Variants in CD99 observed in about 807,000 individuals in gnomAD.
CD99 encodes the protein CD99 antigen.
A neutral mutation model predicts 28.4 loss-of-function variants in CD99; 19 were observed. The observed-to-expected ratio is 0.67, with a 90% confidence interval of 0.47 to 0.98. The LOEUF (loss-of-function observed/expected upper bound fraction) is 0.98. Among genes scored for constraint, CD99 ranks in the 50% least tolerant of loss-of-function variants. CD99 has a pLI of 0.00. For synonymous variants in CD99, 103 were observed against 92.1 expected, an observed-to-expected ratio of 1.12 and a Z score of -0.67; for missense variants, 283 against 248.8, an observed-to-expected ratio of 1.14 and a Z score of -0.92.
intron 8 of CD99, chrX:2,727,170 G>A (rs1445873772): frequency 2.4e-5 from 17 of 709,522 alleles, no homozygotes; most frequent in South Asian, 1.8e-4. Flanking sequence ...CAGCACAGCG[G>A]ATTCCCTTTC....
At chrX:2,699,188 T>A (rs746545663) in intron 1 of CD99, among the ~76,000 whole-genome samples, 1 of 151,330 alleles carries the variant, frequency 6.6e-6, no homozygotes, top group Non-Finnish European at 1.5e-5. Flanking sequence ...TTCTTTTTTT[T>A]AGACAGAGTC....
chrX:2,705,112 G>A (rs311050), intron 1 of CD99, among the ~76,000 whole-genome samples: 24,543 of 152,184 alleles, frequency 0.16, 3,446 homozygotes, highest in East Asian at 0.53. Flanking sequence ...CTAGCAGAGA[G>A]TGTTTCCAGG....
intron 6 of CD99, among the ~76,000 whole-genome samples, chrX:2,723,107 C>T (rs1295237320): frequency 6.6e-6 from 1 of 152,090 alleles, no homozygotes; most frequent in African/African-American, 2.4e-5. Flanking sequence ...TCAGAGTACC[C>T]CTAGAGTGTA....
At chrX:2,712,820 T>C (rs2048482762) in intron 1 of CD99, among the ~76,000 whole-genome samples, 1 of 152,070 alleles carries the variant, frequency 6.6e-6, no homozygotes, top group African/African-American at 2.4e-5. Context: ...CACACCTACC[T>C]GTATGTACAT....
intron 5 of CD99, among the ~76,000 whole-genome samples, chrX:2,720,758 G>A (rs886397400): frequency 6.6e-6 from 1 of 151,146 alleles, no homozygotes; most frequent in African/African-American, 2.4e-5. Flanking sequence ...CTGAGTAGCT[G>A]GAATTACAGG....
In CD99 at chrX:2,691,345, G is replaced by C. The variant is rs1354736428; in HGVS notation, c.-16G>C. ...CCCTGCACTCCGGGACCGTCCCTGC[G>C]CGCTCTGGGCGCACCATGGCCCGCG... On this transcript the variant is annotated 5_prime_UTR_variant, in exon 1 of 10. Transcript: ENST00000381192. The C allele has an allele frequency of 1.3e-6, 2 of 1,554,900 alleles. No homozygotes were observed. The highest frequency in any genetic ancestry group is 1.7e-6 in the Non-Finnish European group (2 of 1,160,964).
intron 1 of CD99, among the ~76,000 whole-genome samples, chrX:2,698,545 C>T (rs1307779516): frequency 1.3e-5 from 2 of 152,080 alleles, no homozygotes; most frequent in African/African-American, 4.8e-5. Flanking sequence ...CAGCTCACTG[C>T]AGCCTCGAAC....
chrX:2,717,488 A>G (rs1444522583), intron 2 of CD99, 117 bp from the exon 3 acceptor site: 27 of 847,816 alleles, frequency 3.2e-5, no homozygotes, highest in Admixed American at 6.2e-5. Context: ...AGAAAAAACA[A>G]TGCTAAAAAC....
chrX:2,712,836 A>T (rs1248197144), intron 1 of CD99, among the ~76,000 whole-genome samples: 1 of 152,100 alleles, frequency 6.6e-6, no homozygotes, highest in South Asian at 2.1e-4. Context: ...TACATACTCA[A>T]AACACACCTT....
intron 2 of CD99, 99 bp downstream of exon 2, chrX:2,714,553 C>T (rs1355438562): frequency 3.9e-6 from 4 of 1,033,044 alleles, no homozygotes; most frequent in South Asian, 1.4e-5. Context: ...TTCTAGACCA[C>T]CGCAATAACA....
chrX:2,692,461 C>T (rs1347994006), intron 1 of CD99, among the ~76,000 whole-genome samples: 3 of 152,194 alleles, frequency 2.0e-5, no homozygotes, highest in Non-Finnish European at 2.9e-5. Flanking sequence ...GCTGCGGTGA[C>T]TAGGCCGGGT....
chrX:2,716,178 CT>C (rs1569438592), intron 2 of CD99, among the ~76,000 whole-genome samples: 1 of 152,030 alleles, frequency 6.6e-6, no homozygotes, highest in African/African-American at 2.4e-5. Context: ...ACCACCATGC[CT>C]AGCTAGTTTT....
intron 1 of CD99, among the ~76,000 whole-genome samples, chrX:2,706,375 CAAA>C (rs1181142929): frequency 9.3e-5 from 14 of 150,486 alleles, no homozygotes; most frequent in Admixed American, 9.2e-4. Context: ...AAGGAAAAAA[CAAA>C]AAACAAAAAA....
At chrX:2,737,843 T>G in intron 8 of CD99, 1 of 423,360 alleles carries the variant, frequency 2.4e-6, no homozygotes, top group Non-Finnish European at 4.5e-6. Context: ...ATAAGAATCT[T>G]ATTTTCACAG....
At chrX:2,703,404 A>AG (rs1238047143) in intron 1 of CD99, among the ~76,000 whole-genome samples, 8 of 152,114 alleles carry the variant, frequency 5.3e-5, no homozygotes. Flanking sequence ...TGACTCCACA[A>AG]TGTCTATTCA....
Position 2,691,810 on chromosome X carries a change from G to C in CD99, c.67+383G>C, listed in dbSNP as rs1287191775. 3 of 775,888 alleles carry C rather than the reference G, an allele frequency of 3.9e-6. No individual in the cohort carries two copies. In the African/African-American group the frequency reaches 5.1e-5, roughly 13 times the overall value. The allele number at this position is 775,888 out of a possible 1,614,324, so 48.1% of individuals were successfully genotyped here. On this transcript the variant is annotated intron_variant, in intron 1 of 9. Transcript: ENST00000381192. ...CAGGGTTTGGGGACCTGCGTCTTCA[G>C]GCCGCGCGCGGAGGCCGCCCTGGAG...
intron 8 of CD99, chrX:2,737,756 A>C: frequency 3.1e-6 from 1 of 317,724 alleles, no homozygotes; most frequent in Non-Finnish European, 6.2e-6. Context: ...TCAGCCTCCC[A>C]AAGTGCTGGG....
intron 9 of CD99, among the ~76,000 whole-genome samples, chrX:2,739,690 G>A (rs1470418926): frequency 4.0e-5 from 6 of 150,074 alleles, no homozygotes; most frequent in African/African-American, 1.5e-4. Flanking sequence ...CTGACCTCAA[G>A]TGATCTGCCC....
At chrX:2,727,377 C>A in intron 8 of CD99, 1 of 775,770 alleles carries the variant, frequency 1.3e-6, no homozygotes, top group South Asian at 1.4e-5. Flanking sequence ...ACACAGCTAA[C>A]GTGCATGCAT....
Sources: gnomAD v4.1 joint callset for allele counts (sites outside exome capture counted in the v4.1 genomes callset) on GRCh38, gnomAD v4.1.1 for gene constraint, MANE v1.5 for transcripts, NCBI Gene and HGNC (gene_info 2026-07-23, HGNC 2026-07-21) for gene names.